Variants in PKHD1 observed in about 807,000 individuals in gnomAD.
PKHD1 encodes PKHD1 ciliary IPT domain containing fibrocystin/polyductin.
Under a neutral mutation model 412.0 loss-of-function variants are expected in PKHD1, and 291 were observed. That is an observed-to-expected ratio of 0.71 (90% CI 0.64 to 0.78). The LOEUF is 0.78. Ranked by LOEUF, PKHD1 falls within the 30% of genes least tolerant of loss-of-function variation. The probability of loss-of-function intolerance (pLI) is 0.00; values close to 1 mark genes in which losing one functional copy is unlikely to be tolerated. For missense variants in PKHD1, 4,825 were observed against 4,950.7 expected (o/e 0.97, Z 0.76); for synonymous variants, 1,777 against 1,821.5 (o/e 0.98, Z 0.62).
chr6:52,033,651 C>A (rs867036427), intron 28 of PKHD1, among the ~76,000 whole-genome samples: 121 of 151,150 alleles, frequency 8.0e-4, no homozygotes, highest in African/African-American at 2.7e-3. Context: ...ATATATATAT[C>A]TGAAACCCAA....
chr6:52,082,879 G>A (rs2128244155), intron 3 of PKHD1, among the ~76,000 whole-genome samples: 1 of 152,312 alleles, frequency 6.6e-6, no homozygotes, highest in Middle Eastern at 3.4e-3. Context: ...GATTCTGGGA[G>A]ATGCATTGCT....
Position 51,619,293 on chromosome 6 carries a change from G to T in PKHD1, c.12013C>A (p.Gln4005Lys), listed in dbSNP as rs766251998. Residue 4005 changes from glutamine (Q) to lysine (K), a missense_variant, in exon 67 of 67, where the codon CAG becomes AAG. By Grantham distance (53) the Gln-to-Lys change is moderately conservative. Transcript: ENST00000371117. ...ETGNWKEGQEQLLRYQLAGQN... is the reference protein window; with the variant it reads ...ETGNWKEGQEKLLRYQLAGQN... ...CCTGCCAGCTGGTATCTGAGCAACT[G>T]CTCTTGGCCCTCCTTCCAGTTCCCA... is the stretch of plus-strand genomic sequence containing the variant. The T allele has an allele frequency of 2.5e-6, 4 of 1,614,134 alleles. No individual in the cohort carries two copies. The highest frequency in any genetic ancestry group is 2.7e-5 in the African/African-American group (2 of 74,952).
intron 55 of PKHD1, among the ~76,000 whole-genome samples, chr6:51,761,464 G>A (rs1279558045): frequency 6.6e-6 from 1 of 152,018 alleles, no homozygotes; most frequent in African/African-American, 2.4e-5. Context: ...TTGAAGAAAT[G>A]TTGATAAAAG....
chr6:52,010,897 C>T (rs1480123710), intron 34 of PKHD1, among the ~76,000 whole-genome samples: 1 of 152,026 alleles, frequency 6.6e-6, no homozygotes, highest in African/African-American at 2.4e-5. Context: ...CTGAATCCCC[C>T]TAGGGCAGAT....
intron 65 of PKHD1, among the ~76,000 whole-genome samples, chr6:51,631,939 C>CTTTTT (rs1196969455): frequency 7.7e-6 from 1 of 130,030 alleles, no homozygotes; most frequent in Non-Finnish European, 1.7e-5. Flanking sequence ...TTTTTTTTTT[C>CTTTTT]TTTTTTTTTT....
rs192131011 is a variant in PKHD1, at chr6:51,637,217, A to T, written c.11506+1632T>A. Among the ~76,000 whole-genome samples the T allele has an allele frequency of 5.7e-3, 875 of 152,306 alleles. 2 individuals carry two copies. Among genetic ancestry groups the T allele is most frequent in the Middle Eastern group, 0.01 (3 of 294 alleles). On this transcript the variant is annotated intron_variant, in intron 64 of 66. Transcript: ENST00000371117. ...CAAAGGCCTTTTAAATGTCAGACAA[A>T]TCTGGAACAAAATATGCATTCCTGC...
chr6:51,822,085 T>G (rs945650617), intron 52 of PKHD1, among the ~76,000 whole-genome samples: 1 of 152,224 alleles, frequency 6.6e-6, no homozygotes, highest in African/African-American at 2.4e-5. Context: ...GCCTATTACC[T>G]GAGCCTATTA....
At chr6:51,743,037 A>T (rs1401245030) in intron 60 of PKHD1, among the ~76,000 whole-genome samples, 1 of 152,160 alleles carries the variant, frequency 6.6e-6, no homozygotes, top group Non-Finnish European at 1.5e-5. Flanking sequence ...TAAGTAAGTA[A>T]AAGGCGTGTC....
At chr6:52,036,333 A>G (rs1332816671) in intron 27 of PKHD1, among the ~76,000 whole-genome samples, 1 of 152,272 alleles carries the variant, frequency 6.6e-6, no homozygotes, top group African/African-American at 2.4e-5. Context: ...GAATTTCTCT[A>G]CTGATCACTA....
chr6:51,672,379 AAG>A (rs1348542965), intron 60 of PKHD1, among the ~76,000 whole-genome samples: 2 of 152,214 alleles, frequency 1.3e-5, no homozygotes, highest in African/African-American at 4.8e-5. Context: ...TTAGAGTGGA[AAG>A]AGAGAATTAT....
rs1464751397 is a variant in PKHD1, at chr6:51,804,370, GGGGC to G, written c.8303-13001_8303-12998del. ...AAATACTAATTCATTGGGGGGGGGGGGGGCGGTAACAGGAGAAATTAAGCGAAAT... is the reference window on the plus strand; with the variant it reads ...AAATACTAATTCATTGGGGGGGGGGGGGTAACAGGAGAAATTAAGCGAAAT... On this transcript the variant is annotated intron_variant, in intron 52 of 66. Transcript: ENST00000371117. Among the ~76,000 whole-genome samples the G allele has an allele frequency of 3.1e-3, 253 of 81,330 alleles. 48 individuals carry two copies. The highest frequency in any genetic ancestry group is 0.01 in the African/African-American group (231 of 22,672). 53.4% of individuals were successfully genotyped at this position (81,330 alleles called of 152,430 possible).
At chr6:51,852,454 C>G (rs1772445695) in intron 49 of PKHD1, among the ~76,000 whole-genome samples, 1 of 152,100 alleles carries the variant, frequency 6.6e-6, no homozygotes. Context: ...CCTGCATATC[C>G]TTGTTAATTT....
chr6:51,722,290 C>G (rs1257601728), intron 60 of PKHD1, among the ~76,000 whole-genome samples: 1 of 152,078 alleles, frequency 6.6e-6, no homozygotes, highest in East Asian at 1.9e-4. Flanking sequence ...CAGTTGGTTA[C>G]TTGGATTTTC....
intron 57 of PKHD1, among the ~76,000 whole-genome samples, chr6:51,750,956 T>C (rs979570474): frequency 6.6e-6 from 1 of 152,046 alleles, no homozygotes; most frequent in African/African-American, 2.4e-5. Context: ...TTTATATTTT[T>C]AGTAGAGGCA....
intron 64 of PKHD1, among the ~76,000 whole-genome samples, chr6:51,633,682 T>C (rs1297291474): frequency 1.3e-5 from 2 of 152,118 alleles, no homozygotes; most frequent in Non-Finnish European, 2.9e-5. Flanking sequence ...TATAACACTG[T>C]AGAAAAGACA....
intron 43 of PKHD1, among the ~76,000 whole-genome samples, chr6:51,893,184 C>A (rs1018500845): frequency 1.3e-5 from 2 of 152,126 alleles, no homozygotes; most frequent in African/African-American, 4.8e-5. Flanking sequence ...ATTTCATTAC[C>A]AAGGAAATGC....
At position 52,053,056 on chromosome 6, in the gene PKHD1, A is replaced by C; in HGVS notation, c.2140+20T>G. 6.2e-7 allele frequency: 1 copy of C among 1,609,520 alleles called. No individual in the cohort carries two copies. Among genetic ancestry groups the C allele is most frequent in the Non-Finnish European group, 8.5e-7 (1 of 1,177,664 alleles). On this transcript the variant is annotated intron_variant, in intron 21 of 66. Coordinates refer to ENST00000371117, the MANE Select transcript of PKHD1 (RefSeq NM_138694.4). ...TAGGCATGTGACCGGCTTGTGGAGG[A>C]GAGAGAATTTGATGATTACCTGTTA...
intron 60 of PKHD1, among the ~76,000 whole-genome samples, chr6:51,741,933 G>T (rs953482357): frequency 3.9e-5 from 6 of 152,146 alleles, no homozygotes; most frequent in Non-Finnish European, 7.4e-5. Flanking sequence ...CTCACCAAAA[G>T]CTCAAGTCCA....
intron 55 of PKHD1, among the ~76,000 whole-genome samples, chr6:51,758,051 A>AGATC (rs1249896569): frequency 6.8e-6 from 1 of 146,914 alleles, no homozygotes; most frequent in Non-Finnish European, 1.5e-5. Flanking sequence ...AGAGAGAGAG[A>AGATC]GAAAACAAAG....
Sources: gnomAD v4.1 joint callset for allele counts (sites outside exome capture counted in the v4.1 genomes callset) on GRCh38, gnomAD v4.1.1 for gene constraint, MANE v1.5 for transcripts, NCBI Gene and HGNC (gene_info 2026-07-23, HGNC 2026-07-21) for gene names.